Variants in RFX3 observed in about 807,000 individuals in gnomAD.
RFX3 encodes the protein transcription factor RFX3.
Under a neutral mutation model 98.6 loss-of-function variants are expected in RFX3, and 14 were observed. The ratio of observed to expected loss-of-function variants is 0.14; its 90% CI spans 0.09 to 0.22. The LOEUF is 0.22. RFX3 is among the 10% of genes least tolerant of loss of function. RFX3 has a pLI of 1.00. For synonymous variants in RFX3, 383 were observed against 328.4 expected (o/e 1.17, Z -1.80); for missense variants, 639 against 926.9 (o/e 0.69, Z 4.03).
chr9:3,459,550 C>T (rs1847499241), intron 1 of RFX3, among the ~76,000 whole-genome samples: 1 of 151,852 alleles, frequency 6.6e-6, no homozygotes, highest in East Asian at 1.9e-4. Flanking sequence ...AAAAAGCGAC[C>T]CGAATCAAAA....
At chr9:3,482,014 C>A (rs1849806781) in intron 1 of RFX3, among the ~76,000 whole-genome samples, 1 of 152,024 alleles carries the variant, frequency 6.6e-6, no homozygotes, top group South Asian at 2.1e-4. Context: ...ATGTACCCAG[C>A]ATTTACTCAG....
intron 4 of RFX3, among the ~76,000 whole-genome samples, chr9:3,314,120 G>C (rs186184389): frequency 6.6e-6 from 1 of 152,308 alleles, no homozygotes; most frequent in Non-Finnish European, 1.5e-5. Context: ...GGCAGCCAGA[G>C]AGAAAGGTCG....
At position 3,223,622 on chromosome 9, in the gene RFX3, T is replaced by C. The variant is rs1187061745; in HGVS notation, c.*1420A>G. ...CTAAGAATAAAAAATAGATCCACGG[T>C]CACTCAAAGAGGGAAACTGATTTTT... On this transcript the variant is annotated 3_prime_UTR_variant, in exon 17 of 17. Coordinates refer to ENST00000617270, the MANE Select transcript of RFX3 (RefSeq NM_001282116.2). 6.6e-6 allele frequency: 1 copy of C among 152,210 alleles called. No individual in the cohort carries two copies. The highest frequency in any genetic ancestry group is 1.5e-5 in the Non-Finnish European group (1 of 68,040). 9.4% of individuals were successfully genotyped at this position (152,210 alleles called of 1,614,324 possible). A position where few individuals can be genotyped will look rare whatever the true frequency, so the allele number is the denominator to read the frequency against.
intron 15 of RFX3, among the ~76,000 whole-genome samples, chr9:3,239,256 G>C (rs1401461940): frequency 2.6e-5 from 4 of 152,188 alleles, no homozygotes; most frequent in Non-Finnish European, 4.4e-5. Flanking sequence ...ATATTTGCAA[G>C]GATTAACAAC....
chr9:3,246,460 G>C lies in RFX3; in HGVS notation c.1968+1572C>G, dbSNP rs1171506036. On this transcript the variant is annotated intron_variant, in intron 15 of 16. Coordinates refer to ENST00000617270, the MANE Select transcript of RFX3 (RefSeq NM_001282116.2). The stretch of plus-strand genomic sequence containing the variant: ...TCCCTAGAGATGCAAGGAAAGCAAA[G>C]GCCATGCATCAAGATTAGCCACATG... 4.6e-5 allele frequency among the ~76,000 whole-genome samples: 7 copies of C among 152,152 alleles called. No homozygotes were observed. In the East Asian group the frequency reaches 1.3e-3, roughly 29 times the overall value.
chr9:3,317,232 G>A (rs1477967800), intron 4 of RFX3, among the ~76,000 whole-genome samples: 1 of 152,152 alleles, frequency 6.6e-6, no homozygotes, highest in Non-Finnish European at 1.5e-5. Flanking sequence ...ATAACCATCT[G>A]ATCTTTGACA....
At chr9:3,397,012 T>C (rs1840962536) in intron 1 of RFX3, among the ~76,000 whole-genome samples, 1 of 152,230 alleles carries the variant, frequency 6.6e-6, no homozygotes, top group African/African-American at 2.4e-5. Context: ...TATAGTCTTA[T>C]ACAAAGATAG....
At position 3,489,088 on chromosome 9, in the gene RFX3, TA is replaced by T. The variant is rs370182491; in HGVS notation, c.-9+36658del. On this transcript the variant is annotated intron_variant, in intron 1 of 16. Coordinates refer to ENST00000617270, the MANE Select transcript of RFX3 (RefSeq NM_001282116.2). ...AAAAATTTACCAGATTATACATGCT[TA>T]AAAAAAAGTAAATCACATGATTATT... Among the ~76,000 whole-genome samples the T allele has an allele frequency of 2.2e-4, 33 of 151,986 alleles. No homozygotes were observed. In the East Asian group the frequency reaches 5.6e-3, roughly 26 times the overall value.
chr9:3,436,353 T>C (rs1212084294), intron 1 of RFX3, among the ~76,000 whole-genome samples: 2 of 152,044 alleles, frequency 1.3e-5, no homozygotes, highest in Non-Finnish European at 1.5e-5. Context: ...GAAGCAAGAA[T>C]ATAGCCCAGA....
At chr9:3,444,911 C>T (rs1845905183) in intron 1 of RFX3, among the ~76,000 whole-genome samples, 1 of 152,170 alleles carries the variant, frequency 6.6e-6, no homozygotes, top group Non-Finnish European at 1.5e-5. Flanking sequence ...CTCAAATGAT[C>T]ACTTTGTTAG....
At chr9:3,262,593 G>A (rs913521893) in intron 13 of RFX3, among the ~76,000 whole-genome samples, 2 of 152,202 alleles carry the variant, frequency 1.3e-5, no homozygotes, top group Non-Finnish European at 2.9e-5. Context: ...GAGCAGTTAA[G>A]TAACGCAATT....
chr9:3,508,446 T>C (rs1481289149), intron 1 of RFX3, among the ~76,000 whole-genome samples: 1 of 151,942 alleles, frequency 6.6e-6, no homozygotes, highest in African/African-American at 2.4e-5. Flanking sequence ...CCTAAAAACA[T>C]TAACAGAAAG....
intron 1 of RFX3, among the ~76,000 whole-genome samples, chr9:3,452,882 A>G (rs770935158): frequency 1.3e-5 from 2 of 152,328 alleles, no homozygotes; most frequent in East Asian, 3.9e-4. Context: ...AGAAAGTAGC[A>G]TGGCTCCAGG....
At chr9:3,433,726 C>T (rs1844865242) in intron 1 of RFX3, among the ~76,000 whole-genome samples, 1 of 152,110 alleles carries the variant, frequency 6.6e-6, no homozygotes, top group South Asian at 2.1e-4. Flanking sequence ...TTTTCACAAT[C>T]AAATAAGTAA....
intron 1 of RFX3, among the ~76,000 whole-genome samples, chr9:3,423,844 TAGAA>T (rs1843692803): frequency 7.2e-6 from 1 of 138,126 alleles, no homozygotes; most frequent in African/African-American, 2.6e-5. Context: ...AACAAAATCT[TAGAA>T]TATATTTAAA....
intron 4 of RFX3, among the ~76,000 whole-genome samples, chr9:3,307,038 T>C (rs1232343496): frequency 4.6e-5 from 7 of 152,112 alleles, no homozygotes; most frequent in Non-Finnish European, 1.0e-4. Flanking sequence ...TGAGATTTCA[T>C]GGTTTTAAAA....
intron 13 of RFX3, among the ~76,000 whole-genome samples, chr9:3,257,911 T>C (rs1029028016): frequency 6.6e-6 from 1 of 152,184 alleles, no homozygotes; most frequent in Non-Finnish European, 1.5e-5. Context: ...CTGGTTCTGG[T>C]TGGGAAATGT....
intron 2 of RFX3, among the ~76,000 whole-genome samples, chr9:3,362,635 G>C (rs1334104288): frequency 6.6e-6 from 1 of 152,200 alleles, no homozygotes; most frequent in Non-Finnish European, 1.5e-5. Context: ...TGTGAGGACA[G>C]CATAAGTGTA....
At chr9:3,391,707 G>T (rs1044827028) in intron 2 of RFX3, among the ~76,000 whole-genome samples, 1 of 152,074 alleles carries the variant, frequency 6.6e-6, no homozygotes, top group African/African-American at 2.4e-5. Context: ...TCTATTTATG[G>T]CTAGTGACAC....
Sources: gnomAD v4.1 joint callset for allele counts (sites outside exome capture counted in the v4.1 genomes callset) on GRCh38, gnomAD v4.1.1 for gene constraint, MANE v1.5 for transcripts, NCBI Gene and HGNC (gene_info 2026-07-23, HGNC 2026-07-21) for gene names.